The following SNX13 variants were observed in gnomAD, a reference collection of about 807,000 sequenced individuals.
SNX13 encodes the protein sorting nexin-13.
In SNX13, 45 loss-of-function variants were observed where a neutral mutation model predicts 133.6. The ratio of observed to expected loss-of-function variants is 0.34; its 90% CI spans 0.27 to 0.43. The LOEUF is 0.43. Ranked by LOEUF, SNX13 falls within the 20% of genes least tolerant of loss-of-function variation. SNX13 has a pLI of 1.00. For missense variants in SNX13, 1,032 were observed against 1,145.1 expected (o/e 0.90, Z 1.43); for synonymous variants, 414 against 373.9 (o/e 1.11, Z -1.24).
At chr7:17,926,089 A>G (rs965435833) in intron 1 of SNX13, among the ~76,000 whole-genome samples, 2 of 152,022 alleles carry the variant, frequency 1.3e-5, no homozygotes, top group Admixed American at 6.6e-5. Context: ...TTGAGCTATA[A>G]TAACAACAAA....
chr7:17,866,848 T>C (rs1291248166), intron 9 of SNX13, among the ~76,000 whole-genome samples: 2 of 152,168 alleles, frequency 1.3e-5, no homozygotes, highest in African/African-American at 2.4e-5. Context: ...AAAATAACCA[T>C]AGGAGTGGAA....
At chr7:17,850,463 A>C (rs1791074877) in intron 10 of SNX13, 28 bp from the exon 11 acceptor site, 1 of 1,352,180 alleles carries the variant, frequency 7.4e-7, no homozygotes, top group Non-Finnish European at 1.0e-6. Flanking sequence ...ATGAACTAGA[A>C]AGTGGTAGTG....
chr7:17,882,955 A>T, intron 5 of SNX13: 1 of 415,366 alleles, frequency 2.4e-6, no homozygotes, highest in Non-Finnish European at 4.1e-6. Context: ...TGTCTCAAAA[A>T]CAAAAACAAA....
chr7:17,814,560 A>C (rs1398724144), intron 20 of SNX13, among the ~76,000 whole-genome samples: 5 of 152,132 alleles, frequency 3.3e-5, no homozygotes, highest in Non-Finnish European at 7.4e-5. Flanking sequence ...AAGATAACGA[A>C]AAGCTTGTGA....
intron 1 of SNX13, among the ~76,000 whole-genome samples, chr7:17,918,816 AG>A (rs1194511422): frequency 6.6e-6 from 1 of 152,232 alleles, no homozygotes; most frequent in African/African-American, 2.4e-5. Flanking sequence ...TGTTTATCAC[AG>A]TACTATTCAC....
chr7:17,859,021 G>A (rs982179357), intron 9 of SNX13, among the ~76,000 whole-genome samples: 3 of 151,914 alleles, frequency 2.0e-5, no homozygotes, highest in African/African-American at 4.8e-5. Flanking sequence ...CAAATAACTT[G>A]GTAATCTTCA....
chr7:17,931,092 T>C (rs886291120), intron 1 of SNX13, among the ~76,000 whole-genome samples: 2 of 152,166 alleles, frequency 1.3e-5, no homozygotes, highest in Admixed American at 1.3e-4. Flanking sequence ...ATTAACACTA[T>C]TGCAATACTT....
In SNX13 at chr7:17,790,948, T is replaced by A. The variant is rs1783481641; in HGVS notation, c.*3097A>T. On this transcript the variant is annotated 3_prime_UTR_variant, in exon 26 of 26. Transcript: ENST00000428135. Reference sequence around the variant, plus strand: ...TTACTGTACAATGATATGCACACATTATCTTTTAACAATTATAATCCTAAA... The same window carrying A: ...TTACTGTACAATGATATGCACACATAATCTTTTAACAATTATAATCCTAAA... 6.6e-6 allele frequency: 1 copy of A among 152,034 alleles called. No homozygotes were observed. The allele number at this position is 152,034 out of a possible 1,614,324, so 9.4% of individuals were successfully genotyped here.
intron 2 of SNX13, among the ~76,000 whole-genome samples, chr7:17,894,828 A>G (rs539087021): frequency 3.9e-5 from 6 of 152,302 alleles, no homozygotes; most frequent in African/African-American, 1.4e-4. Context: ...AAGATTCTCA[A>G]AGTCCTCCAA....
At chr7:17,845,739 C>A in intron 11 of SNX13, 45 bp from the exon 12 acceptor site, 2 of 1,317,478 alleles carry the variant, frequency 1.5e-6, no homozygotes, top group South Asian at 2.7e-5. Context: ...TCTAATCATT[C>A]ATTGTTAAAG....
chr7:17,896,943 C>A (rs189119586), intron 2 of SNX13, among the ~76,000 whole-genome samples: 2 of 152,188 alleles, frequency 1.3e-5, no homozygotes, highest in South Asian at 2.1e-4. Context: ...TGTTTGAAGT[C>A]TAATCACAAT....
At chr7:17,838,515 GC>G (rs1414772650) in intron 13 of SNX13, among the ~76,000 whole-genome samples, 2 of 151,536 alleles carry the variant, frequency 1.3e-5, no homozygotes, top group African/African-American at 4.8e-5. Flanking sequence ...TCTTCTGTTT[GC>G]CTTGGATTTA....
intron 7 of SNX13, 25 bp from the exon 8 acceptor site, chr7:17,873,641 A>G (rs1794370214): frequency 2.9e-6 from 4 of 1,398,830 alleles, no homozygotes; most frequent in Non-Finnish European, 3.9e-6. Flanking sequence ...AGTAGCTATC[A>G]TAACATTAGA....
chr7:17,815,847 CT>C, intron 19 of SNX13, among the ~76,000 whole-genome samples: 1 of 152,166 alleles, frequency 6.6e-6, no homozygotes, highest in East Asian at 1.9e-4. Flanking sequence ...TCTTCAAAAT[CT>C]TGTAAATACA....
chr7:17,826,356 C>T (rs892369586), intron 16 of SNX13, among the ~76,000 whole-genome samples: 6 of 151,958 alleles, frequency 3.9e-5, no homozygotes, highest in Non-Finnish European at 7.4e-5. Flanking sequence ...GCTTGTCCAT[C>T]TACTGTAACT....
intron 25 of SNX13, chr7:17,796,462 A>C (rs886612671): frequency 6.1e-6 from 1 of 164,998 alleles, no homozygotes; most frequent in African/African-American, 2.4e-5. Context: ...ATTTAACTTA[A>C]CTCCCAATAT....
Position 17,814,917 on chromosome 7 carries a change from C to T in SNX13, c.1981G>A (p.Ala661Thr). 1 of 1,499,962 alleles carries T rather than the reference C, an allele frequency of 6.7e-7. No individual in the cohort carries two copies. Among genetic ancestry groups the T allele is most frequent in the South Asian group, 1.4e-5 (1 of 71,954 alleles). The allele number at this position is 1,499,962 out of a possible 1,614,324, so 92.9% of individuals were successfully genotyped here. The change falls in exon 20 of 26, where the codon GCA becomes ACA. Residue 661 changes from alanine (A) to threonine (T), a missense_variant. Coordinates refer to ENST00000428135, the MANE Select transcript of SNX13 (RefSeq NM_015132.5). ...ACATAGTGAGCTAAAGCGGGGGATGCCTTCATCATTTCAGGAGCTAACAGT... is the reference window on the plus strand; with the variant it reads ...ACATAGTGAGCTAAAGCGGGGGATGTCTTCATCATTTCAGGAGCTAACAGT... Reference protein sequence around the residue: ...QLLLAPEMMKASPALAHYVYD... With the variant: ...QLLLAPEMMKTSPALAHYVYD...
chr7:17,936,999 A>G (rs1364010152), intron 1 of SNX13, among the ~76,000 whole-genome samples: 1 of 141,526 alleles, frequency 7.1e-6, no homozygotes. Flanking sequence ...AAAAACTAAC[A>G]TTAAAAAAAA....
chr7:17,796,770 TA>T, intron 25 of SNX13, 56 bp downstream of exon 25: 1 of 1,319,338 alleles, frequency 7.6e-7, no homozygotes, highest in South Asian at 1.2e-5. Context: ...TGATGAATGC[TA>T]AAAACTCAGA....
Sources: gnomAD v4.1 joint callset for allele counts (sites outside exome capture counted in the v4.1 genomes callset) on GRCh38, gnomAD v4.1.1 for gene constraint, MANE v1.5 for transcripts, NCBI Gene and HGNC (gene_info 2026-07-23, HGNC 2026-07-21) for gene names.